Variants in PEPD observed in about 807,000 individuals in gnomAD.
PEPD encodes the protein peptidase D, also known as xaa-Pro dipeptidase.
PEPD carries 53 observed loss-of-function variants against 60.7 expected under a neutral mutation model. The ratio of observed to expected loss-of-function variants is 0.87; its 90% CI spans 0.70 to 1.10. PEPD has a LOEUF of 1.10. Ranked by LOEUF, PEPD falls within the 50% of genes least tolerant of loss-of-function variation. The pLI is 0.00. For missense variants in PEPD, 711 were observed against 711.9 expected, an observed-to-expected ratio of 1.00 and a Z score of 0.01; for synonymous variants, 267 against 284.1, an observed-to-expected ratio of 0.94 and a Z score of 0.60.
intron 9 of PEPD, among the ~76,000 whole-genome samples, chr19:33,415,502 G>C (rs1034120690): frequency 6.6e-6 from 1 of 152,078 alleles, no homozygotes; most frequent in Admixed American, 6.6e-5. Flanking sequence ...CAAGACCCCA[G>C]CTCTCAAAAA....
chr19:33,499,414 C>G (rs1970667126), intron 4 of PEPD, among the ~76,000 whole-genome samples: 1 of 152,222 alleles, frequency 6.6e-6, no homozygotes, highest in Non-Finnish European at 1.5e-5. Context: ...ACTGTTCACT[C>G]ATGTGGTCAC....
In PEPD at chr19:33,426,879, C is replaced by T. The variant is rs138823381; in HGVS notation, c.672-13236G>A. 3.0e-3 allele frequency among the ~76,000 whole-genome samples: 461 copies of T among 152,322 alleles called. 2 individuals are homozygous for T. The highest frequency in any genetic ancestry group is 0.01 in the African/African-American group (430 of 41,572). On this transcript the variant is annotated intron_variant, in intron 9 of 14. Coordinates refer to ENST00000244137, the MANE Select transcript of PEPD (RefSeq NM_000285.4). ...CATCCAGGAACCACAAGGCCCAGGA[C>T]GCAGCGAAATGTGCCATGGAGGGAG...
At chr19:33,435,327 G>C (rs924974033) in intron 9 of PEPD, among the ~76,000 whole-genome samples, 11 of 152,206 alleles carry the variant, frequency 7.2e-5, no homozygotes, top group African/African-American at 2.7e-4. Context: ...CCCAGAGCCA[G>C]TTTTAGCAGT....
Position 33,500,983 on chromosome 19 carries a change from G to A in PEPD, c.348C>T (p.His116=). Residue 116 remains histidine, a synonymous_variant, in exon 4 of 15, where the codon CAC becomes CAT. Transcript: ENST00000244137. ...CGTCCACGGCATACTTCTCCTTGAA[G>A]TGCTCCTTGGAATGGATCCTCAAAG... ...TWMGKIHSKE[H]FKEKYAVDDV... 6.2e-7 allele frequency: 1 copy of A among 1,603,012 alleles called. No individual in the cohort carries two copies. Among genetic ancestry groups the A allele is most frequent in the Non-Finnish European group, 8.5e-7 (1 of 1,169,924 alleles).
chr19:33,507,444 G>T (rs1970834660), intron 3 of PEPD, among the ~76,000 whole-genome samples: 1 of 152,192 alleles, frequency 6.6e-6, no homozygotes, highest in African/African-American at 2.4e-5. Flanking sequence ...GGTGAGGAGT[G>T]GGCCGGCTTC....
At chr19:33,407,356 C>T (rs557715975) in intron 11 of PEPD, among the ~76,000 whole-genome samples, 3 of 152,366 alleles carry the variant, frequency 2.0e-5, no homozygotes, top group East Asian at 1.9e-4. Context: ...GCCCTAGCTG[C>T]GAAGCTTGCT....
At chr19:33,460,630 A>T (rs1373959159) in intron 9 of PEPD, among the ~76,000 whole-genome samples, 1 of 152,094 alleles carries the variant, frequency 6.6e-6, no homozygotes, top group African/African-American at 2.4e-5. Context: ...CACAGATCAG[A>T]TAGCTTCCCT....
At chr19:33,415,174 T>A (rs1968862758) in intron 9 of PEPD, among the ~76,000 whole-genome samples, 1 of 152,084 alleles carries the variant, frequency 6.6e-6, no homozygotes, top group Non-Finnish European at 1.5e-5. Context: ...TCCCTTGGCT[T>A]TGTGAGATGT....
At chr19:33,462,141 C>T (rs538800373) in intron 9 of PEPD, among the ~76,000 whole-genome samples, 6 of 152,328 alleles carry the variant, frequency 3.9e-5, no homozygotes, top group African/African-American at 9.6e-5. Flanking sequence ...CCCCCAGGGC[C>T]GGGGCTCTGA....
At chr19:33,390,756 C>A (rs1968198435) in intron 13 of PEPD, among the ~76,000 whole-genome samples, 1 of 152,214 alleles carries the variant, frequency 6.6e-6, no homozygotes, top group Admixed American at 6.5e-5. Context: ...CCCAGAATGC[C>A]TGGGGATGAG....
chr19:33,521,034 T>A (rs1272022208), intron 1 of PEPD, among the ~76,000 whole-genome samples: 1 of 152,164 alleles, frequency 6.6e-6, no homozygotes, highest in East Asian at 1.9e-4. Flanking sequence ...ATGCTCCCTA[T>A]CTGGGAGATT....
At chr19:33,468,639 G>A (rs1397274855) in intron 7 of PEPD, among the ~76,000 whole-genome samples, 1 of 152,226 alleles carries the variant, frequency 6.6e-6, no homozygotes, top group African/African-American at 2.4e-5. Context: ...TCTCCGTGAC[G>A]CTGCACAGCT....
At chr19:33,502,697 A>T (rs931004062) in intron 3 of PEPD, among the ~76,000 whole-genome samples, 4 of 152,080 alleles carry the variant, frequency 2.6e-5, no homozygotes, top group African/African-American at 9.7e-5. Context: ...CACTTCATTT[A>T]CACCAGGCGA....
At chr19:33,406,327 C>T (rs1968623795) in intron 11 of PEPD, among the ~76,000 whole-genome samples, 1 of 152,212 alleles carries the variant, frequency 6.6e-6, no homozygotes. Context: ...ACCGAAAACG[C>T]GTGGGCAGGT....
At position 33,392,073 on chromosome 19, in the gene PEPD, C is replaced by T. The variant is rs570695351; in HGVS notation, c.968-594G>A. 3.9e-5 allele frequency among the ~76,000 whole-genome samples: 6 copies of T among 152,322 alleles called. No homozygotes were observed. The East Asian group carries it at 5.8e-4, about 15-fold the overall frequency. ...AGCAAAGGTTTCTGGGGAGAAGGTG[C>T]GGCTGGCACGGCCCCACGAGCTGGC... On this transcript the variant is annotated intron_variant, in intron 12 of 14. Coordinates refer to ENST00000244137, the MANE Select transcript of PEPD (RefSeq NM_000285.4).
At chr19:33,484,790 A>G (rs1810821979) in intron 6 of PEPD, among the ~76,000 whole-genome samples, 1 of 152,192 alleles carries the variant, frequency 6.6e-6, no homozygotes, top group Admixed American at 6.5e-5. Context: ...AGACACAAAA[A>G]TATACTCAGA....
intron 11 of PEPD, among the ~76,000 whole-genome samples, chr19:33,409,929 A>T (rs1417336148): frequency 6.6e-6 from 1 of 152,178 alleles, no homozygotes; most frequent in Non-Finnish European, 1.5e-5. Flanking sequence ...ATCCACAGAG[A>T]CCCAGAAGAA....
chr19:33,415,844 G>A (rs1255587717), intron 9 of PEPD, among the ~76,000 whole-genome samples: 3 of 152,140 alleles, frequency 2.0e-5, no homozygotes, highest in Non-Finnish European at 4.4e-5. Context: ...GGATATTCAC[G>A]CCCGCCTAAA....
At chr19:33,421,718 C>T (rs1969023640) in intron 9 of PEPD, among the ~76,000 whole-genome samples, 1 of 151,982 alleles carries the variant, frequency 6.6e-6, no homozygotes, top group African/African-American at 2.4e-5. Context: ...TGGTTTGGAA[C>T]TCCTGGGCTC....
Sources: allele counts gnomAD v4.1 joint callset (sites outside exome capture counted in the v4.1 genomes callset), GRCh38; gene constraint gnomAD v4.1.1; transcripts MANE v1.5; gene names NCBI Gene and HGNC (gene_info 2026-07-23, HGNC 2026-07-21).